The following RANBP17 variants were observed in gnomAD, a reference collection of about 807,000 sequenced individuals.
The protein encoded by RANBP17 is ran-binding protein 17.
A neutral mutation model predicts 141.2 loss-of-function variants in RANBP17; 158 were observed. The observed-to-expected ratio is 1.12, with a 90% CI of 0.98 to 1.28. RANBP17 has a LOEUF of 1.28. RANBP17 is among the 50% of genes most tolerant of loss of function. RANBP17 has a pLI of 0.00. For missense variants in RANBP17, 1,438 were observed against 1,290.7 expected (o/e 1.11, Z -1.75); for synonymous variants, 430 against 450.0 (o/e 0.96, Z 0.56).
At chr5:170,935,282 T>A (rs1450208821) in intron 12 of RANBP17, among the ~76,000 whole-genome samples, 1 of 152,240 alleles carries the variant, frequency 6.6e-6, no homozygotes, top group African/African-American at 2.4e-5. Context: ...TCGTTATTAC[T>A]GATCGTCTGA....
intron 14 of RANBP17, chr5:171,158,287 T>A (rs1469378514): frequency 5.6e-6 from 1 of 178,696 alleles, no homozygotes; most frequent in Non-Finnish European, 1.2e-5. Context: ...AGTCTTGAAA[T>A]ATAAAAGCAC....
intron 11 of RANBP17, among the ~76,000 whole-genome samples, chr5:170,920,281 A>G (rs1417942567): frequency 6.6e-6 from 1 of 152,160 alleles, no homozygotes; most frequent in Non-Finnish European, 1.5e-5. Flanking sequence ...ATTCCCGCTC[A>G]CAATGTATGA....
intron 12 of RANBP17, chr5:170,924,888 C>G (rs147911144): frequency 2.1e-3 from 358 of 172,346 alleles, no homozygotes; most frequent in African/African-American, 7.7e-3. Flanking sequence ...AAACTCAGAA[C>G]CCAATTTCAG....
At chr5:171,003,640 G>C (rs1779378009) in intron 14 of RANBP17, among the ~76,000 whole-genome samples, 1 of 152,184 alleles carries the variant, frequency 6.6e-6, no homozygotes, top group South Asian at 2.1e-4. Flanking sequence ...AGATTGAAAG[G>C]AGGGGCTACA....
chr5:171,188,070 C>A (rs953915018), intron 18 of RANBP17, among the ~76,000 whole-genome samples: 1 of 151,930 alleles, frequency 6.6e-6, no homozygotes, highest in African/African-American at 2.4e-5. Context: ...CAGACTAAAT[C>A]ACCAGAAAGA....
At chr5:171,292,467 G>C (rs1481048504) in intron 25 of RANBP17, among the ~76,000 whole-genome samples, 1 of 152,172 alleles carries the variant, frequency 6.6e-6, no homozygotes, top group Non-Finnish European at 1.5e-5. Flanking sequence ...GACACAGAGA[G>C]AAGTTCAGTA....
intron 21 of RANBP17, among the ~76,000 whole-genome samples, chr5:171,216,028 T>C (rs1278991629): frequency 2.6e-5 from 4 of 152,216 alleles, no homozygotes; most frequent in Non-Finnish European, 5.9e-5. Flanking sequence ...CTAGGATTTT[T>C]ATGGTTTTGG....
intron 14 of RANBP17, among the ~76,000 whole-genome samples, chr5:171,000,017 T>G (rs1384799242): frequency 6.6e-6 from 1 of 152,194 alleles, no homozygotes; most frequent in Non-Finnish European, 1.5e-5. Context: ...TGTGACTGGC[T>G]TATTTTACTT....
chr5:171,203,206 A>C lies in RANBP17; in HGVS notation c.2143-2318A>C, dbSNP rs371586344. ...GGAGAGAGGCAACTTTTAAAATAAAACTCTTTGCACTATTTTAAATGAGAT... is the reference window on the plus strand; with the variant it reads ...GGAGAGAGGCAACTTTTAAAATAAACCTCTTTGCACTATTTTAAATGAGAT... On this transcript the variant is annotated intron_variant, in intron 19 of 27. Transcript: ENST00000523189. Among the ~76,000 whole-genome samples the C allele has an allele frequency of 1.3e-3, 195 of 152,000 alleles. 9 individuals are homozygous for C. In the South Asian group the frequency reaches 0.039, roughly 31 times the overall value.
chr5:170,930,783 G>A lies in RANBP17; in HGVS notation c.1468+6233G>A, dbSNP rs1054061319. On this transcript the variant is annotated intron_variant, in intron 12 of 27. Coordinates refer to ENST00000523189, the MANE Select transcript of RANBP17 (RefSeq NM_022897.5). ...GCATAGTATTCCATGGTGTATGTGT[G>A]TCACATTTTCTTAATCCAGTCTACC... Among the ~76,000 whole-genome samples, 20 of 152,120 alleles carry A rather than the reference G, an allele frequency of 1.3e-4. 1 individual carries two copies. The highest frequency in any genetic ancestry group is 9.8e-4 in the Admixed American group (15 of 15,276).
intron 1 of RANBP17, among the ~76,000 whole-genome samples, chr5:170,865,156 G>A (rs1386865938): frequency 4.0e-5 from 6 of 150,962 alleles, no homozygotes; most frequent in Non-Finnish European, 7.4e-5. Flanking sequence ...TCTGCCTCCC[G>A]GGTTCCAGTG....
intron 25 of RANBP17, among the ~76,000 whole-genome samples, chr5:171,277,664 T>TATATATATATATATATATATATATATAG: frequency 7.3e-6 from 1 of 136,772 alleles, no homozygotes; most frequent in East Asian, 2.2e-4. Flanking sequence ...TATATATATA[T>TATATATATATATATATATATATATATAG]ATATTTATGT....
chr5:171,232,109 G>A (rs1764239870), intron 22 of RANBP17, among the ~76,000 whole-genome samples: 1 of 152,102 alleles, frequency 6.6e-6, no homozygotes, highest in South Asian at 2.1e-4. Context: ...TATATATGTG[G>A]CAACAGTTGA....
chr5:170,988,333 G>GAGAATAC (rs1778291397), intron 14 of RANBP17, among the ~76,000 whole-genome samples: 4 of 149,586 alleles, frequency 2.7e-5, no homozygotes, highest in Non-Finnish European at 6.0e-5. Flanking sequence ...TCATCTGGTA[G>GAGAATAC]AGAAAAGTTT....
intron 5 of RANBP17, among the ~76,000 whole-genome samples, chr5:170,900,879 CTG>C (rs1770580099): frequency 6.6e-6 from 1 of 151,160 alleles, no homozygotes; most frequent in Non-Finnish European, 1.5e-5. Context: ...GTCTGAGAGA[CTG>C]TTATGATTTT....
chr5:170,883,880 T>G (rs1170313037), intron 3 of RANBP17, among the ~76,000 whole-genome samples: 5 of 152,326 alleles, frequency 3.3e-5, no homozygotes, highest in African/African-American at 1.2e-4. Context: ...TGCTTCCAAG[T>G]TTTGACAATT....
At chr5:170,934,657 T>C (rs1200761013) in intron 12 of RANBP17, among the ~76,000 whole-genome samples, 2 of 152,182 alleles carry the variant, frequency 1.3e-5, no homozygotes, top group African/African-American at 2.4e-5. Flanking sequence ...GCTTGTAGAG[T>C]TTCTGCCGAG....
chr5:171,107,182 CACAG>C (rs1408748637), intron 14 of RANBP17, among the ~76,000 whole-genome samples: 2 of 152,172 alleles, frequency 1.3e-5, no homozygotes, highest in Non-Finnish European at 2.9e-5. Context: ...TAAAAGGCCA[CACAG>C]ACAGTAAAGA....
intron 12 of RANBP17, among the ~76,000 whole-genome samples, chr5:170,945,663 G>T (rs977837483): frequency 3.3e-5 from 5 of 152,064 alleles, no homozygotes. Flanking sequence ...TGCACGGTGA[G>T]GTCTTTGTCT....
Sources: gnomAD v4.1 joint callset for allele counts (sites outside exome capture counted in the v4.1 genomes callset) on GRCh38, gnomAD v4.1.1 for gene constraint, MANE v1.5 for transcripts, NCBI Gene and HGNC (gene_info 2026-07-23, HGNC 2026-07-21) for gene names.